The following ATG10 variants were observed in gnomAD, a reference collection of about 807,000 sequenced individuals.
ATG10 encodes ubiquitin-like-conjugating enzyme ATG10.
Under a neutral mutation model 32.1 loss-of-function variants are expected in ATG10, and 30 were observed. The ratio of observed to expected loss-of-function variants is 0.94; its 90% CI spans 0.70 to 1.27. The LOEUF (loss-of-function observed/expected upper bound fraction) is 1.27. ATG10 is among the 50% of genes most tolerant of loss of function. The pLI is 0.00. For synonymous variants in ATG10, 87 were observed against 91.5 expected, an observed-to-expected ratio of 0.95 and a Z score of 0.28; for missense variants, 233 against 262.3, an observed-to-expected ratio of 0.89 and a Z score of 0.77.
At chr5:81,997,960 C>A (rs940987538) in intron 2 of ATG10, among the ~76,000 whole-genome samples, 1 of 152,178 alleles carries the variant, frequency 6.6e-6, no homozygotes, top group East Asian at 1.9e-4. Context: ...ACTTGGAAAA[C>A]GTATTTCAGG....
At chr5:82,093,331 T>C (rs1216590429) in intron 3 of ATG10, among the ~76,000 whole-genome samples, 1 of 152,214 alleles carries the variant, frequency 6.6e-6, no homozygotes, top group Non-Finnish European at 1.5e-5. Context: ...TTGGATCGTT[T>C]CTATTGTTAT....
chr5:82,081,958 G>A (rs1247111459), intron 3 of ATG10, among the ~76,000 whole-genome samples: 1 of 152,162 alleles, frequency 6.6e-6, no homozygotes, highest in Non-Finnish European at 1.5e-5. Flanking sequence ...TGTACCTCTG[G>A]TAGAATTCAG....
chr5:82,161,914 T>A (rs555512759), intron 3 of ATG10, among the ~76,000 whole-genome samples: 4 of 151,964 alleles, frequency 2.6e-5, no homozygotes, highest in Non-Finnish European at 5.9e-5. Flanking sequence ...AAGACTGAGG[T>A]GGGGTACAGC....
Position 82,253,749 on chromosome 5 carries a change from T to C in ATG10, c.*5-319T>C, listed in dbSNP as rs74960362. ...GATCTGCATAGGAATGTGAACCCTA[T>C]TGTGAACTGCGCATCTGAGGGACCT... On this transcript the variant is annotated intron_variant, in intron 7 of 7. Transcript: ENST00000282185. Among the ~76,000 whole-genome samples the C allele has an allele frequency of 3.3e-5, 5 of 152,288 alleles. No homozygotes were observed. The East Asian group carries it at 5.8e-4, about 18-fold the overall frequency.
intron 3 of ATG10, among the ~76,000 whole-genome samples, chr5:82,115,622 T>C (rs1765781017): frequency 6.6e-6 from 1 of 152,118 alleles, no homozygotes; most frequent in South Asian, 2.1e-4. Flanking sequence ...TTTAATCAAT[T>C]TTTTTGTAAC....
intron 1 of ATG10, among the ~76,000 whole-genome samples, chr5:81,972,845 A>G (rs1251523553): frequency 1.3e-5 from 2 of 152,192 alleles, no homozygotes; most frequent in African/African-American, 4.8e-5. Context: ...TGACTGATTT[A>G]TAGAAACTTT....
chr5:81,989,491 G>A (rs1354746128), intron 2 of ATG10, among the ~76,000 whole-genome samples: 7 of 152,180 alleles, frequency 4.6e-5, no homozygotes. Context: ...TGATTAGACA[G>A]TTGATCAGCC....
chr5:81,984,438 A>AGAG (rs967172756), intron 1 of ATG10, among the ~76,000 whole-genome samples: 4 of 152,182 alleles, frequency 2.6e-5, no homozygotes, highest in Non-Finnish European at 4.4e-5. Context: ...AGGGAGAGGG[A>AGAG]GAGGGCGAGA....
chr5:82,216,045 G>A (rs1745667339), intron 5 of ATG10, among the ~76,000 whole-genome samples: 1 of 152,132 alleles, frequency 6.6e-6, no homozygotes, highest in Non-Finnish European at 1.5e-5. Context: ...TCAATGTTTA[G>A]TGATGATAGA....
At chr5:81,975,531 A>C (rs1760844401) in intron 1 of ATG10, among the ~76,000 whole-genome samples, 1 of 152,102 alleles carries the variant, frequency 6.6e-6, no homozygotes, top group Non-Finnish European at 1.5e-5. Context: ...AAATACAAAA[A>C]ATTAGCTGTG....
At chr5:82,079,688 C>T (rs1440500359) in intron 3 of ATG10, among the ~76,000 whole-genome samples, 3 of 152,182 alleles carry the variant, frequency 2.0e-5, no homozygotes, top group East Asian at 1.9e-4. Context: ...CTACAAAGGA[C>T]GTGAACTCAT....
chr5:82,181,989 A>G (rs1301300969), intron 5 of ATG10, among the ~76,000 whole-genome samples: 1 of 152,176 alleles, frequency 6.6e-6, no homozygotes, highest in East Asian at 1.9e-4. Context: ...CTTCTGAAAG[A>G]AAGTTAACAG....
chr5:82,149,635 C>CTGCTGCCCAGAGTCT (rs1767511320), intron 3 of ATG10, among the ~76,000 whole-genome samples: 2 of 152,030 alleles, frequency 1.3e-5, no homozygotes, highest in East Asian at 3.9e-4. Flanking sequence ...GCCCAGAGTC[C>CTGCTGCCCAGAGTCT]TGTGCCTGCC....
At chr5:82,091,140 G>T (rs1032804836) in intron 3 of ATG10, among the ~76,000 whole-genome samples, 2 of 152,180 alleles carry the variant, frequency 1.3e-5, no homozygotes, top group Non-Finnish European at 2.9e-5. Flanking sequence ...CAGTATAAGA[G>T]ATATTTTGGG....
At chr5:82,223,069 G>T (rs1745991126) in intron 5 of ATG10, among the ~76,000 whole-genome samples, 1 of 152,198 alleles carries the variant, frequency 6.6e-6, no homozygotes, top group Non-Finnish European at 1.5e-5. Flanking sequence ...GGAAATGATG[G>T]TGAGAGTTAT....
At chr5:82,144,274 G>A (rs1397484574) in intron 3 of ATG10, among the ~76,000 whole-genome samples, 1 of 144,602 alleles carries the variant, frequency 6.9e-6, no homozygotes, top group Non-Finnish European at 1.5e-5. Context: ...CAAAGAATCA[G>A]TTTTGGTTTT....
chr5:82,151,819 G>C (rs1202897785), intron 3 of ATG10, among the ~76,000 whole-genome samples: 1 of 148,734 alleles, frequency 6.7e-6, no homozygotes, highest in Admixed American at 6.9e-5. Context: ...ACGACTCATT[G>C]AAAGGCATCC....
chr5:82,071,504 A>G (rs1764131393), intron 3 of ATG10, among the ~76,000 whole-genome samples: 1 of 152,094 alleles, frequency 6.6e-6, no homozygotes, highest in Non-Finnish European at 1.5e-5. Context: ...CAACTTCGAA[A>G]AATGTTTCTT....
chr5:82,009,050 AT>A (rs1301473666), intron 2 of ATG10, among the ~76,000 whole-genome samples: 1 of 152,206 alleles, frequency 6.6e-6, no homozygotes, highest in Non-Finnish European at 1.5e-5. Context: ...CATAAATGGA[AT>A]ATTTAATGGC....
Sources: gnomAD v4.1 joint callset for allele counts (sites outside exome capture counted in the v4.1 genomes callset) on GRCh38, gnomAD v4.1.1 for gene constraint, MANE v1.5 for transcripts, NCBI Gene and HGNC (gene_info 2026-07-23, HGNC 2026-07-21) for gene names.